Variants in FANCB observed in about 807,000 individuals in gnomAD.
FANCB encodes FA complementation group B, also known as Fanconi anemia group B protein.
A neutral mutation model predicts 38.9 loss-of-function variants in FANCB; 5 were observed. That is an observed-to-expected ratio of 0.13 (90% CI 0.07 to 0.27). The LOEUF (loss-of-function observed/expected upper bound fraction) is 0.27. Among genes scored for constraint, FANCB ranks in the 10% least tolerant of loss-of-function variants. FANCB has a pLI of 1.00. For synonymous variants in FANCB, 236 were observed against 215.4 expected (o/e 1.10, Z -0.84); for missense variants, 573 against 602.7 (o/e 0.95, Z 0.52).
At chrX:14,860,840 T>C (rs2092443557) in intron 3 of FANCB, among the ~76,000 whole-genome samples, 1 of 111,193 alleles carries the variant, frequency 9.0e-6, no homozygotes, top group Admixed American at 9.5e-5. Flanking sequence ...CACCAATAGC[T>C]ATGCTTCAGG....
chrX:14,859,959 C>T (rs760659152), intron 3 of FANCB, among the ~76,000 whole-genome samples: 7 of 111,284 alleles, frequency 6.3e-5, no homozygotes, highest in Non-Finnish European at 1.3e-4. Flanking sequence ...CAGCTAGTAT[C>T]GGGTACACAG....
chrX:14,835,376 C>T, downstream of FANCB: 1 of 411,008 alleles, frequency 2.4e-6, no homozygotes, highest in Non-Finnish European at 4.5e-6. Context: ...TAAACGACCC[C>T]AGCTCAAGAG....
chrX:14,819,874 AC>A, the FANCB span, among the ~76,000 whole-genome samples: 1 of 111,317 alleles, frequency 9.0e-6, no homozygotes, highest in African/African-American at 3.3e-5. Context: ...GCATCCTAAC[AC>A]TGCCTGCTTA....
the FANCB span, among the ~76,000 whole-genome samples, chrX:14,743,042 A>G: frequency 8.9e-6 from 1 of 112,696 alleles, no homozygotes; most frequent in African/African-American, 3.2e-5. Flanking sequence ...GAGAAGAATA[A>G]TGGTTTCCCA....
the FANCB span, among the ~76,000 whole-genome samples, chrX:14,809,828 G>C: frequency 8.9e-5 from 10 of 112,623 alleles, no homozygotes; most frequent in South Asian, 3.3e-3. Flanking sequence ...GAAGAGAGCA[G>C]TGGTTCTCCC....
the FANCB span, among the ~76,000 whole-genome samples, chrX:14,728,449 C>T: frequency 9.0e-6 from 1 of 111,642 alleles, no homozygotes; most frequent in Non-Finnish European, 1.9e-5. Flanking sequence ...TAGGTGCAGT[C>T]ATTAATAAAA....
At chrX:14,762,813 A>G in the FANCB span, among the ~76,000 whole-genome samples, 2 of 112,110 alleles carry the variant, frequency 1.8e-5, no homozygotes, top group Non-Finnish European at 3.8e-5. Flanking sequence ...ATAGCAGCCA[A>G]CTCTTCTCCC....
the FANCB span, among the ~76,000 whole-genome samples, chrX:14,701,597 C>A: frequency 9.0e-6 from 1 of 110,791 alleles, no homozygotes; most frequent in African/African-American, 3.3e-5. Context: ...AAGGGGGATA[C>A]TGTAAAGAAG....
the FANCB span, among the ~76,000 whole-genome samples, chrX:14,809,034 G>A: frequency 8.9e-6 from 1 of 111,971 alleles, no homozygotes; most frequent in East Asian, 2.8e-4. Context: ...ATAAATTGAA[G>A]AGGACACCAA....
At chrX:14,827,044 A>T in the FANCB span, among the ~76,000 whole-genome samples, 1 of 111,682 alleles carries the variant, frequency 9.0e-6, no homozygotes, top group Admixed American at 9.5e-5. Flanking sequence ...TCATATGCTA[A>T]ATTCTCATGT....
At chrX:14,690,985 A>G in the FANCB span, 2 of 663,322 alleles carry the variant, frequency 3.0e-6, no homozygotes, top group East Asian at 3.4e-5. Context: ...GATTTGTCCT[A>G]CTACACTGAC....
intron 10 of FANCB, among the ~76,000 whole-genome samples, chrX:14,838,112 T>C (rs1389977303): frequency 8.9e-6 from 1 of 111,795 alleles, no homozygotes; most frequent in African/African-American, 3.3e-5. Context: ...ATAGCTACTA[T>C]CCTGGGAAGC....
the FANCB span, among the ~76,000 whole-genome samples, chrX:14,818,517 TG>T: frequency 2.7e-5 from 3 of 109,771 alleles, no homozygotes; most frequent in East Asian, 2.9e-4. Context: ...TTATGAAGAT[TG>T]GGGGGGATGT....
intron 7 of FANCB, among the ~76,000 whole-genome samples, chrX:14,845,764 C>T (rs2092374278): frequency 9.0e-6 from 1 of 111,406 alleles, no homozygotes; most frequent in South Asian, 3.7e-4. Flanking sequence ...TTGTATTTTT[C>T]GTTCCTCTAA....
chrX:14,865,322 T>C lies in FANCB; in HGVS notation c.189A>G (p.Gly63=). ...AGTTTTCTTCCTTTATGGTAAAAAA[T>C]CCAGTGGACTTCTGAACAAATACTT... The part of the protein sequence containing the change: ...GTKVFVQKST[G]FFTIKEENSH... The change falls in exon 3 of 10, where the codon GGA becomes GGG. Residue 63 remains glycine (G), a synonymous_variant. Coordinates refer to ENST00000650831, the MANE Select transcript of FANCB (RefSeq NM_001018113.3). 1.7e-6 allele frequency: 2 copies of C among 1,171,885 alleles called. No individual in the cohort carries two copies. Among genetic ancestry groups the C allele is most frequent in the Non-Finnish European group, 2.3e-6 (2 of 878,143 alleles).
At chrX:14,800,809 T>C in the FANCB span, among the ~76,000 whole-genome samples, 2 of 112,046 alleles carry the variant, frequency 1.8e-5, no homozygotes, top group African/African-American at 6.5e-5. Flanking sequence ...TTTGGTCTGT[T>C]TGCATCTTCC....
the FANCB span, among the ~76,000 whole-genome samples, chrX:14,722,668 T>C: frequency 8.9e-6 from 1 of 111,772 alleles, no homozygotes; most frequent in Non-Finnish European, 1.9e-5. Context: ...ATATGACATA[T>C]GGAAGCATGC....
At chrX:14,792,784 T>G in the FANCB span, among the ~76,000 whole-genome samples, 1 of 111,696 alleles carries the variant, frequency 9.0e-6, no homozygotes, top group African/African-American at 3.2e-5. Flanking sequence ...TTCACAAAAT[T>G]TCCAAAGTAG....
At chrX:14,700,954 G>A in the FANCB span, among the ~76,000 whole-genome samples, 1 of 110,046 alleles carries the variant, frequency 9.1e-6, no homozygotes, top group Non-Finnish European at 1.9e-5. Context: ...CCAGTAGAAG[G>A]TATTCCTTCT....
Sources: allele counts gnomAD v4.1 joint callset (sites outside exome capture counted in the v4.1 genomes callset), GRCh38; gene constraint gnomAD v4.1.1; transcripts MANE v1.5; gene names NCBI Gene and HGNC (gene_info 2026-07-23, HGNC 2026-07-21).